Variants in DIDO1 observed in about 807,000 individuals in gnomAD.
DIDO1 encodes death-inducer obliterator 1.
Under a neutral mutation model 99.4 loss-of-function variants are expected in DIDO1, and 16 were observed. The ratio of observed to expected loss-of-function variants is 0.16; its 90% confidence interval spans 0.11 to 0.24. DIDO1 has a LOEUF of 0.24. Among genes scored for constraint, DIDO1 ranks in the 10% least tolerant of loss-of-function variants. The pLI is 1.00. For missense variants in DIDO1, 2,996 were observed against 3,014.0 expected (o/e 0.99, Z 0.14); for synonymous variants, 1,366 against 1,239.1 (o/e 1.10, Z -2.15).
At chr20:62,890,865 G>A (rs1421715779) in intron 15 of DIDO1, 95 bp downstream of exon 15, 1 of 1,608,184 alleles carries the variant, frequency 6.2e-7, no homozygotes, top group Non-Finnish European at 8.5e-7. Flanking sequence ...CTCCCAGAGA[G>A]CCCTGGGCTG....
chr20:62,881,084 CT>C lies in DIDO1; in HGVS notation c.4871del (p.Lys1624SerfsTer240). The C allele has an allele frequency of 6.2e-7, 1 of 1,601,986 alleles. No individual in the cohort carries two copies. Among genetic ancestry groups the C allele is most frequent in the Non-Finnish European group, 8.5e-7 (1 of 1,177,398 alleles). On this transcript the variant is annotated frameshift_variant, in exon 16 of 16. Transcript: ENST00000395343. LOFTEE classifies it low-confidence loss of function (END_TRUNC). This position sits in a 1 kb window ranked among gnomAD's most constrained non-coding sequence, Gnocchi z 8.3. ...CGTCCTGCTCGGACCCCGCTGGGGG[CT>C]TTTCGCCCGAAGCCCAGGGGGAAGA... is the stretch of plus-strand genomic sequence containing the variant. Reference protein sequence around the residue: ...PASSPWASGEKPPAGSEQDGW... With the variant: ...PASSPWASGEXPPAGSEQDGW...
chr20:62,892,247 A>G (rs1057372553), intron 13 of DIDO1, among the ~76,000 whole-genome samples, 171 bp from the exon 14 acceptor site: 2 of 152,202 alleles, frequency 1.3e-5, no homozygotes, highest in Admixed American at 6.5e-5. Flanking sequence ...CAAGTGGCCA[A>G]ATCCAAAGGG....
At chr20:62,924,443 C>T (rs2147581823) in intron 1 of DIDO1, among the ~76,000 whole-genome samples, 1 of 152,310 alleles carries the variant, frequency 6.6e-6, no homozygotes, top group Middle Eastern at 3.4e-3. Flanking sequence ...TACAGAGATT[C>T]CAAACAATGA....
chr20:62,892,196 A>G, intron 13 of DIDO1, 120 bp from the exon 14 acceptor site: 1 of 826,764 alleles, frequency 1.2e-6, no homozygotes, highest in Non-Finnish European at 1.9e-6. Flanking sequence ...ATTCCAAGGA[A>G]AAGAGTCACA....
Position 62,896,288 on chromosome 20 carries a change from C to T in DIDO1, c.2159G>A (p.Arg720His), listed in dbSNP as rs2064518721. 6.8e-6 allele frequency: 11 copies of T among 1,613,772 alleles called. No homozygotes were observed. The highest frequency in any genetic ancestry group is 8.5e-6 in the Non-Finnish European group (10 of 1,179,960). Reference protein sequence around the residue: ...MFNLFQVTDNRYKSKYRSIMF... With the variant: ...MFNLFQVTDNHYKSKYRSIMF... ...GATGCTGCGATATTTACTCTTGTAG[C>T]GATTATCTGTAACTTGAAACAAGTT... is the stretch of plus-strand genomic sequence containing the variant. Residue 720 changes from arginine to histidine, a missense_variant, in exon 8 of 16, where the codon CGC (arginine) becomes CAC (histidine). This residue lies in a region of DIDO1 where 898 missense variants were observed against 972.7 expected (regional missense o/e 0.92). Transcript: ENST00000395343. This position sits in a 1 kb window ranked among gnomAD's most constrained non-coding sequence, Gnocchi z 4.4.
At chr20:62,891,349 C>A (rs549612157) in intron 14 of DIDO1, among the ~76,000 whole-genome samples, 194 bp from the exon 15 acceptor site, 1 of 152,216 alleles carries the variant, frequency 6.6e-6, no homozygotes, top group African/African-American at 2.4e-5. Context: ...CGAGCCGGCT[C>A]TTCCTACATG....
chr20:62,934,701 C>T (rs140691542), intron 1 of DIDO1, among the ~76,000 whole-genome samples: 137 of 152,330 alleles, frequency 9.0e-4, no homozygotes, highest in African/African-American at 3.0e-3. Flanking sequence ...GTTTCCCATT[C>T]CCATCACATC....
At position 62,909,823 on chromosome 20, in the gene DIDO1, T is replaced by A; in HGVS notation, c.1037A>T (p.Asp346Val). 6.2e-7 allele frequency: 1 copy of A among 1,614,252 alleles called. No individual in the cohort carries two copies. Among genetic ancestry groups the A allele is most frequent in the South Asian group, 1.1e-5 (1 of 91,086 alleles). ...QEAKWRPGDA[D>V]GTDCTSIGTI... Reference sequence around the variant, plus strand: ...TCCTATACTTGTACAATCGGTGCCATCAGCATCTCCAGGTCTCCATTTAGC... The same window carrying A: ...TCCTATACTTGTACAATCGGTGCCAACAGCATCTCCAGGTCTCCATTTAGC... The change falls in exon 4 of 16, where the codon GAT becomes GTT. Residue 346 changes from aspartate to valine, a missense_variant. This residue lies in a region of DIDO1 where 898 missense variants were observed against 972.7 expected (regional missense o/e 0.92). Coordinates refer to ENST00000395343, the MANE Select transcript of DIDO1 (RefSeq NM_001193369.2).
intron 1 of DIDO1, among the ~76,000 whole-genome samples, chr20:62,935,333 T>TA (rs1453436280): frequency 6.6e-6 from 1 of 151,796 alleles, no homozygotes; most frequent in African/African-American, 2.4e-5. Context: ...ACTCAACAAA[T>TA]AAATATTTAT....
chr20:62,907,050 C>G, intron 5 of DIDO1, 97 bp downstream of exon 5: 1 of 1,314,746 alleles, frequency 7.6e-7, no homozygotes, highest in Non-Finnish European at 1.1e-6. Flanking sequence ...CCCCCTACAC[C>G]TGCCACCCCC....
In DIDO1 at chr20:62,879,247, C is replaced by T. The variant is rs1271917645; in HGVS notation, c.6709G>A (p.Ala2237Thr). The change falls in exon 16 of 16, where the codon GCC becomes ACC. Residue 2237 changes from alanine (A) to threonine (T), a missense_variant. Coordinates refer to ENST00000395343, the MANE Select transcript of DIDO1 (RefSeq NM_001193369.2). The surrounding 1 kb of genome is among the most constrained non-coding windows in gnomAD (Gnocchi z 6.3). ...EASRASDAGT[A>T]SQA The stretch of plus-strand genomic sequence containing the variant: ...GGCCGGGGCGTCTAGGCCTGCGAGG[C>T]GGTGCCAGCGTCGGAGGCCCTCGAG... 1.3e-6 allele frequency: 2 copies of T among 1,533,264 alleles called. No homozygotes were observed. Among genetic ancestry groups the T allele is most frequent in the South Asian group, 1.2e-5 (1 of 80,618 alleles). The allele number at this position is 1,533,264 out of a possible 1,614,324, so 95.0% of individuals were successfully genotyped here. A position where few individuals can be genotyped will look rare whatever the true frequency, so the allele number is the denominator to read the frequency against.
rs1348477461 is a variant in DIDO1 at position 62,888,058 on chromosome 20, C to A, written c.3541+2902G>T. ...TGCTGCGGGGGCAGCTCCACTCTCACTGCCCGACAAGGGCCAAGTGCTGAC... is the reference window on the plus strand; with the variant it reads ...TGCTGCGGGGGCAGCTCCACTCTCAATGCCCGACAAGGGCCAAGTGCTGAC... On this transcript the variant is annotated intron_variant, in intron 15 of 15. Transcript: ENST00000395343. 7 of 985,446 alleles carry A rather than the reference C, an allele frequency of 7.1e-6. No individual in the cohort carries two copies. The African/African-American group carries it at 1.2e-4, about 17-fold the overall frequency. The allele number at this position is 985,446 out of a possible 1,614,324, so 61.0% of individuals were successfully genotyped here. A position where few individuals can be genotyped will look rare whatever the true frequency, so the allele number is the denominator to read the frequency against.
chr20:62,920,163 G>A (rs1487688155), intron 1 of DIDO1, among the ~76,000 whole-genome samples: 2 of 152,164 alleles, frequency 1.3e-5, no homozygotes, highest in Admixed American at 6.5e-5. Flanking sequence ...ACCTCATGCC[G>A]CAAGTGTGGC....
chr20:62,896,704 C>T lies in DIDO1; in HGVS notation c.1881G>A (p.Lys627=). 6.2e-7 allele frequency: 1 copy of T among 1,613,896 alleles called. No homozygotes were observed. Among genetic ancestry groups the T allele is most frequent in the Non-Finnish European group, 8.5e-7 (1 of 1,179,896 alleles). ...CCACCAAAGCAGCGGAGCCAGGGAA[C>T]TTCTTGGAGGCAGCCGTTGCCGCTG... ...APAAATAASK[K]FPGSAALVGA... Residue 627 remains lysine, a synonymous_variant, in exon 7 of 16, where the codon AAG becomes AAA. Coordinates refer to ENST00000395343, the MANE Select transcript of DIDO1 (RefSeq NM_001193369.2). This position sits in a 1 kb window ranked among gnomAD's most constrained non-coding sequence, Gnocchi z 4.4.
Position 62,893,813 on chromosome 20 carries a change from C to A in DIDO1, c.2954G>T (p.Arg985Leu), listed in dbSNP as rs115976084. 4 of 1,614,040 alleles carry A rather than the reference C, an allele frequency of 2.5e-6. No individual in the cohort carries two copies. In the South Asian group the frequency reaches 4.4e-5, roughly 18 times the overall value. ...TTCCACCATGTGGGTGCTGTCTGGG[C>A]GGGATGCTGCGGAGGCCACGGCTGT... ...SCTAVASAAS[R>L]PDSTHMVEAR... is the part of the protein sequence containing the mutation. Residue 985 changes from arginine to leucine, a missense_variant, in exon 12 of 16, where the codon CGC (arginine) becomes CTC (leucine). Physicochemically the swap from Arg to Leu is moderately radical, Grantham distance 102. Around this residue, in one of 5 missense-constraint regions of DIDO1, gnomAD observed 898 missense variants for 972.7 expected, o/e 0.92. Coordinates refer to ENST00000395343, the MANE Select transcript of DIDO1 (RefSeq NM_001193369.2).
At chr20:62,925,433 A>G (rs567880440) in intron 1 of DIDO1, among the ~76,000 whole-genome samples, 1 of 152,234 alleles carries the variant, frequency 6.6e-6, no homozygotes, top group Non-Finnish European at 1.5e-5. Context: ...ATGTGAATAT[A>G]CCGAAAAGAC....
Position 62,909,969 on chromosome 20 carries a change from C to T in DIDO1, c.891G>A (p.Val297=). The change falls in exon 4 of 16, where the codon GTG becomes GTA. Residue 297 remains valine (V), a synonymous_variant. Transcript: ENST00000395343. ...GCCTCCCTCGAGCCTCAGAAATGCC[C>T]ACACAATCGCCATGAAACCATTCTT... The part of the protein sequence containing the change: ...RCEEWFHGDC[V]GISEARGRLL... 1 of 1,612,866 alleles carries T rather than the reference C, an allele frequency of 6.2e-7. No individual in the cohort carries two copies. The highest frequency in any genetic ancestry group is 1.1e-5 in the South Asian group (1 of 91,074).
intron 15 of DIDO1, chr20:62,887,707 G>A (rs1288134549): frequency 2.0e-6 from 2 of 985,478 alleles, no homozygotes; most frequent in East Asian, 1.1e-4. Context: ...AACCCTACAC[G>A]ATGAGCTTTC....
intron 1 of DIDO1, chr20:62,937,731 C>G: frequency 2.5e-6 from 1 of 397,766 alleles, no homozygotes; most frequent in East Asian, 3.6e-5. Context: ...GCCGCGGACA[C>G]CCGGCGCCTT....
Sources: allele counts gnomAD v4.1 joint callset (sites outside exome capture counted in the v4.1 genomes callset), GRCh38; gene constraint gnomAD v4.1.1; regional missense constraint gnomAD v4.1.1; non-coding constraint Gnocchi (gnomAD v3.1); transcripts MANE v1.5; gene names NCBI Gene and HGNC (gene_info 2026-07-23, HGNC 2026-07-21).